SMAD4: variants seen among roughly 807,000 people sequenced by gnomAD.
The protein encoded by SMAD4 is MAD homolog 4.
Under a neutral mutation model 63.2 loss-of-function variants are expected in SMAD4, and 7 were observed. The observed-to-expected ratio is 0.11, with a 90% confidence interval of 0.06 to 0.21. The LOEUF is 0.21. SMAD4 is among the 10% of genes least tolerant of loss of function. SMAD4 has a pLI of 1.00. For synonymous variants in SMAD4, 215 were observed against 235.4 expected (o/e 0.91, Z 0.79); for missense variants, 312 against 693.8 (o/e 0.45, Z 6.18).
rs762135891 is a variant in SMAD4, at chr18:51,081,868, G to A, written c.*3401G>A. The A allele has an allele frequency of 1.3e-5, 3 of 232,128 alleles. No homozygotes were observed. Among genetic ancestry groups the A allele is most frequent in the African/African-American group, 4.4e-5 (2 of 45,296 alleles). The allele number at this position is 232,128 out of a possible 1,614,324, so 14.4% of individuals were successfully genotyped here. ...ATTTTACTATTAATGCTCCTTAAGT[G>A]TCTATGGAGGTTAAAGAATAAAATG... On this transcript the variant is annotated 3_prime_UTR_variant, in exon 12 of 12. Transcript: ENST00000342988.
rs1555685910 is a variant in SMAD4 at position 51,058,155 on chromosome 18, A to G, written c.698A>G (p.His233Arg). 6.2e-6 allele frequency: 10 copies of G among 1,614,072 alleles called. No homozygotes were observed. The highest frequency in any genetic ancestry group is 8.5e-6 in the Non-Finnish European group (10 of 1,180,004). The stretch of plus-strand genomic sequence containing the variant: ...CCTGCCAGTATACTGGGGGGCAGCC[A>G]TAGTGAAGGACTGTTGCAGATAGCA... The part of the protein sequence containing the change: ...SQPASILGGS[H>R]SEGLLQIASG... Residue 233 changes from histidine (H) to arginine (R), a missense_variant, in exon 6 of 12, where the codon CAT becomes CGT. By Grantham distance (29) the His-to-Arg change is conservative. Transcript: ENST00000342988.
Position 51,084,260 on chromosome 18 carries a change from T to G in SMAD4, c.*5793T>G, listed in dbSNP as rs909431439. The G allele has an allele frequency of 4.4e-6, 1 of 228,972 alleles. No individual in the cohort carries two copies. The highest frequency in any genetic ancestry group is 5.7e-5 in the Admixed American group (1 of 17,642). 14.2% of individuals were successfully genotyped at this position (228,972 alleles called of 1,614,324 possible). On this transcript the variant is annotated 3_prime_UTR_variant, in exon 12 of 12. Transcript: ENST00000342988. ...GGATTGAAAACCTGTTGTTAATGCTTAGTGATATTATGCTCAAAACAAGGA... is the reference window on the plus strand; with the variant it reads ...GGATTGAAAACCTGTTGTTAATGCTGAGTGATATTATGCTCAAAACAAGGA...
chr18:51,038,517 C>T (rs1026008166), intron 1 of SMAD4, among the ~76,000 whole-genome samples: 1 of 152,202 alleles, frequency 6.6e-6, no homozygotes, highest in African/African-American at 2.4e-5. Context: ...CCATTGTTTT[C>T]TGAGAAGGCT....
intron 5 of SMAD4, among the ~76,000 whole-genome samples, 165 bp from the exon 6 acceptor site, chr18:51,057,960 A>G (rs1307219162): frequency 6.6e-6 from 1 of 152,252 alleles, no homozygotes; most frequent in East Asian, 1.9e-4. Flanking sequence ...GTTTGCCTTT[A>G]TAGATGACTG....
chr18:51,047,388 T>G, intron 2 of SMAD4, 93 bp downstream of exon 2: 1 of 1,119,252 alleles, frequency 8.9e-7, no homozygotes, highest in Non-Finnish European at 1.4e-6. Context: ...GTAATTTAAT[T>G]TGTGCTCCAT....
Position 51,084,010 on chromosome 18 carries a change from GCGCA to G in SMAD4, c.*5545_*5548del, listed in dbSNP as rs1555688077. On this transcript the variant is annotated 3_prime_UTR_variant, in exon 12 of 12. Coordinates refer to ENST00000342988, the MANE Select transcript of SMAD4 (RefSeq NM_005359.6). ...ACTTAACGCGCGTGCGCACGCGCGC[GCGCA>G]CACACACACACACACACACACACAC... 9.7e-4 allele frequency: 59 copies of G among 60,722 alleles called. No individual in the cohort carries two copies. Among genetic ancestry groups the G allele is most frequent in the African/African-American group, 2.8e-3 (56 of 20,260 alleles). The allele number at this position is 60,722 out of a possible 1,614,324, so 3.8% of individuals were successfully genotyped here. A position where few individuals can be genotyped will look rare whatever the true frequency, so the allele number is the denominator to read the frequency against.
Position 51,055,401 on chromosome 18 carries a change from G to T in SMAD4, c.667+408G>T, listed in dbSNP as rs543860425. ...TCTGGGACAATATTACCTTATAGTA[G>T]TTGTCTGATTTTCTCACTGTGCAAA... On this transcript the variant is annotated intron_variant, in intron 5 of 11. Coordinates refer to ENST00000342988, the MANE Select transcript of SMAD4 (RefSeq NM_005359.6). 1.1e-3 allele frequency among the ~76,000 whole-genome samples: 171 copies of T among 152,164 alleles called. 1 individual carries two copies. Among genetic ancestry groups the T allele is most frequent in the African/African-American group, 3.7e-3 (152 of 41,508 alleles).
intron 10 of SMAD4, among the ~76,000 whole-genome samples, chr18:51,068,685 A>G (rs1303382910): frequency 6.6e-6 from 1 of 152,196 alleles, no homozygotes; most frequent in Non-Finnish European, 1.5e-5. Context: ...TTCGGAGGCC[A>G]AGGTTGGAGG....
At chr18:51,039,858 C>T (rs768158355) in intron 1 of SMAD4, among the ~76,000 whole-genome samples, 3 of 152,032 alleles carry the variant, frequency 2.0e-5, no homozygotes, top group Non-Finnish European at 4.4e-5. Context: ...GCATACATCT[C>T]GATTTGTCCT....
rs1910690123 is a variant in SMAD4, at chr18:51,084,123, G to A, written c.*5656G>A. ...ACACACACACGCACGCACACACTCT[G>A]GTCAGAGTTTATTAAGGCTTTCGAG... On this transcript the variant is annotated 3_prime_UTR_variant, in exon 12 of 12. Transcript: ENST00000342988. The A allele has an allele frequency of 4.3e-6, 1 of 230,854 alleles. No homozygotes were observed. Among genetic ancestry groups the A allele is most frequent in the Non-Finnish European group, 8.6e-6 (1 of 116,786 alleles). 14.3% of individuals were successfully genotyped at this position (230,854 alleles called of 1,614,324 possible). A position where few individuals can be genotyped will look rare whatever the true frequency, so the allele number is the denominator to read the frequency against.
At chr18:51,052,648 C>A in intron 4 of SMAD4, 1 of 276,242 alleles carries the variant, frequency 3.6e-6, no homozygotes, top group South Asian at 3.4e-5. Flanking sequence ...ATACATGGTC[C>A]ATAAATCAAA....
chr18:51,044,529 A>G (rs1320890451), intron 1 of SMAD4, among the ~76,000 whole-genome samples: 1 of 152,070 alleles, frequency 6.6e-6, no homozygotes, highest in African/African-American at 2.4e-5. Flanking sequence ...CGTAGCTAGG[A>G]CAACAGGCGT....
chr18:51,071,872 A>G (rs1910326954), intron 10 of SMAD4, among the ~76,000 whole-genome samples: 1 of 152,234 alleles, frequency 6.6e-6, no homozygotes, highest in African/African-American at 2.4e-5. Flanking sequence ...AGAATTATGT[A>G]ATATAGTCTT....
At chr18:51,049,555 A>C (rs554533852) in intron 4 of SMAD4, 8 of 475,394 alleles carry the variant, frequency 1.7e-5, no homozygotes, top group African/African-American at 8.9e-5. Context: ...GAACTAAAGT[A>C]CTGTAAAAAA....
intron 5 of SMAD4, among the ~76,000 whole-genome samples, chr18:51,055,236 A>AGT (rs1909812072): frequency 6.6e-6 from 1 of 152,216 alleles, no homozygotes; most frequent in Non-Finnish European, 1.5e-5. Context: ...TGTAGCAGTA[A>AGT]GTAGCCTCTT....
At chr18:51,038,255 G>GC (rs1205300349) in intron 1 of SMAD4, among the ~76,000 whole-genome samples, 3 of 150,708 alleles carry the variant, frequency 2.0e-5, no homozygotes, top group South Asian at 4.4e-4. Context: ...AGACTGTGGG[G>GC]GGGGGGGCAG....
chr18:51,075,062 A>G (rs1278545575), intron 10 of SMAD4, among the ~76,000 whole-genome samples: 1 of 152,182 alleles, frequency 6.6e-6, no homozygotes, highest in African/African-American at 2.4e-5. Context: ...GGAAATACAT[A>G]TATGTATATT....
chr18:51,072,406 T>G (rs1217304670), intron 10 of SMAD4, among the ~76,000 whole-genome samples: 1 of 152,206 alleles, frequency 6.6e-6, no homozygotes, highest in Non-Finnish European at 1.5e-5. Context: ...CAGATGCTTC[T>G]AAACCACTGG....
At chr18:51,073,194 A>G (rs1910362988) in intron 10 of SMAD4, among the ~76,000 whole-genome samples, 1 of 151,692 alleles carries the variant, frequency 6.6e-6, no homozygotes, top group African/African-American at 2.4e-5. Context: ...TCAGGCTGAA[A>G]CAATCCTAAT....
Sources: allele counts gnomAD v4.1 joint callset (sites outside exome capture counted in the v4.1 genomes callset), GRCh38; gene constraint gnomAD v4.1.1; transcripts MANE v1.5; gene names NCBI Gene and HGNC (gene_info 2026-07-23, HGNC 2026-07-21).